The following AGTPBP1 variants were observed in gnomAD, a reference collection of about 807,000 sequenced individuals.
AGTPBP1 encodes cytosolic carboxypeptidase 1.
A neutral mutation model predicts 143.9 loss-of-function variants in AGTPBP1; 70 were observed. That is an observed-to-expected ratio of 0.49 (90% CI 0.40 to 0.59). AGTPBP1 has a LOEUF of 0.59. Among genes scored for constraint, AGTPBP1 ranks in the 20% least tolerant of loss-of-function variants. AGTPBP1 has a pLI of 0.00. For synonymous variants in AGTPBP1, 463 were observed against 500.2 expected (o/e 0.93, Z 0.99); for missense variants, 1,229 against 1,464.5 (o/e 0.84, Z 2.62).
At chr9:85,739,478 G>T (rs1476337217) in intron 1 of AGTPBP1, among the ~76,000 whole-genome samples, 1 of 152,180 alleles carries the variant, frequency 6.6e-6, no homozygotes, top group African/African-American at 2.4e-5. Context: ...GGAGGCCGAG[G>T]TGGGCAGACC....
At chr9:85,632,615 T>C in intron 14 of AGTPBP1, 47 bp downstream of exon 14, 1 of 1,476,674 alleles carries the variant, frequency 6.8e-7, no homozygotes, top group South Asian at 1.4e-5. Context: ...CTGCCTCATA[T>C]CTTGACAATA....
chr9:85,577,869 A>T (rs923760526), intron 24 of AGTPBP1, among the ~76,000 whole-genome samples: 2 of 152,200 alleles, frequency 1.3e-5, no homozygotes, highest in African/African-American at 4.8e-5. Flanking sequence ...AAGCTCTCCT[A>T]AAATATTTCA....
At chr9:85,775,649 C>T in the AGTPBP1 span, among the ~76,000 whole-genome samples, 1 of 150,380 alleles carries the variant, frequency 6.6e-6, no homozygotes, top group East Asian at 1.9e-4. Context: ...TCACAAGGTC[C>T]CACAATAGGC....
intron 8 of AGTPBP1, among the ~76,000 whole-genome samples, chr9:85,662,374 GA>G (rs2133988354): frequency 6.6e-6 from 1 of 152,260 alleles, no homozygotes; most frequent in South Asian, 2.1e-4. Flanking sequence ...AAGTGTTGGT[GA>G]GTTAAAAATA....
chr9:85,613,988 T>C (rs1043045198), intron 17 of AGTPBP1, among the ~76,000 whole-genome samples: 1 of 151,878 alleles, frequency 6.6e-6, no homozygotes, highest in Non-Finnish European at 1.5e-5. Flanking sequence ...TTATAGACTA[T>C]ATGGTCACAT....
intron 8 of AGTPBP1, among the ~76,000 whole-genome samples, chr9:85,669,018 C>T (rs866547943): frequency 7.7e-6 from 1 of 129,134 alleles, no homozygotes; most frequent in Non-Finnish European, 1.6e-5. Flanking sequence ...TATACATACA[C>T]ACACACACAC....
At chr9:85,719,607 CAG>C (rs571168874) in intron 1 of AGTPBP1, among the ~76,000 whole-genome samples, 2 of 152,166 alleles carry the variant, frequency 1.3e-5, no homozygotes, top group African/African-American at 4.8e-5. Flanking sequence ...CATCTGCAAA[CAG>C]GGGCAATTTG....
chr9:85,791,616 T>C, the AGTPBP1 span: 2 of 152,218 alleles, frequency 1.3e-5, no homozygotes, highest in East Asian at 3.9e-4. Flanking sequence ...TCAAAAAATA[T>C]TTTGAGAGAA....
intron 2 of AGTPBP1, among the ~76,000 whole-genome samples, chr9:85,704,616 T>C (rs538656524): frequency 6.6e-6 from 1 of 152,266 alleles, no homozygotes; most frequent in Admixed American, 6.5e-5. Flanking sequence ...TCACACTTTT[T>C]TGAAGTAACT....
At chr9:85,601,647 A>G (rs7849925) in intron 17 of AGTPBP1, among the ~76,000 whole-genome samples, 9,395 of 152,214 alleles carry the variant, frequency 0.062, 977 homozygotes, top group African/African-American at 0.21. Context: ...TGCTCATGCT[A>G]TGCCTGCTGC....
At chr9:85,628,259 C>T (rs1044137738) in intron 14 of AGTPBP1, among the ~76,000 whole-genome samples, 1 of 152,116 alleles carries the variant, frequency 6.6e-6, no homozygotes, top group South Asian at 2.1e-4. Context: ...ACAATGCAAT[C>T]GTTCTCAGGG....
chr9:85,597,417 C>T (rs1439970496), intron 17 of AGTPBP1, among the ~76,000 whole-genome samples: 1 of 151,744 alleles, frequency 6.6e-6, no homozygotes, highest in Non-Finnish European at 1.5e-5. Flanking sequence ...TAAATGAAAC[C>T]TCAAAAAAAT....
chr9:85,794,619 C>T, the AGTPBP1 span, among the ~76,000 whole-genome samples: 1 of 152,054 alleles, frequency 6.6e-6, no homozygotes, highest in Non-Finnish European at 1.5e-5. Context: ...AACATTTGTT[C>T]GTTATTTGGG....
chr9:85,622,553 C>G (rs1831002470), intron 14 of AGTPBP1, among the ~76,000 whole-genome samples: 1 of 151,868 alleles, frequency 6.6e-6, no homozygotes, highest in Admixed American at 6.6e-5. Context: ...AATGCTAAAA[C>G]TAATCTTAAT....
intron 25 of AGTPBP1, among the ~76,000 whole-genome samples, chr9:85,570,363 G>A (rs1310638265): frequency 6.6e-6 from 1 of 152,152 alleles, no homozygotes; most frequent in African/African-American, 2.4e-5. Context: ...CAAGGATAAG[G>A]AGGCTACTGT....
Position 85,589,620 on chromosome 9 carries a change from A to T in AGTPBP1, c.2630T>A (p.Val877Glu). 1 of 1,613,650 alleles carries T rather than the reference A, an allele frequency of 6.2e-7. No individual in the cohort carries two copies. Among genetic ancestry groups the T allele is most frequent in the Non-Finnish European group, 8.5e-7 (1 of 1,179,700 alleles). Residue 877 changes from valine to glutamate, a missense_variant, in exon 20 of 26, where the codon GTG becomes GAG. Val to Glu is a moderately radical substitution (Grantham distance 121, BLOSUM62 -2). Coordinates refer to ENST00000357081, the MANE Select transcript of AGTPBP1 (RefSeq NM_001330701.2). ...GTTTCCAGACAGGGTTTCACATAAC[A>T]CATCTTTCCGAAAATAGATTTGCTG... ...NPQQIYFRKD[V>E]LCETLSGNSC...
intron 17 of AGTPBP1, among the ~76,000 whole-genome samples, chr9:85,603,925 G>T (rs1426313767): frequency 1.3e-5 from 2 of 152,196 alleles, no homozygotes; most frequent in Admixed American, 6.5e-5. Flanking sequence ...GGAAGAGTGG[G>T]AAGAACTTTG....
chr9:85,802,805 C>A, the AGTPBP1 span, among the ~76,000 whole-genome samples: 2 of 152,198 alleles, frequency 1.3e-5, no homozygotes, highest in Non-Finnish European at 2.9e-5. Context: ...ATAATTGAAT[C>A]AGAGTCACCG....
At chr9:85,560,033 T>C (rs115122855) in intron 25 of AGTPBP1, among the ~76,000 whole-genome samples, 2,719 of 152,242 alleles carry the variant, frequency 0.018, 92 homozygotes, top group African/African-American at 0.062. Flanking sequence ...ACACAGACAC[T>C]GGCTGGGGTC....
Sources: gnomAD v4.1 joint callset for allele counts (sites outside exome capture counted in the v4.1 genomes callset) on GRCh38, gnomAD v4.1.1 for gene constraint, MANE v1.5 for transcripts, NCBI Gene and HGNC (gene_info 2026-07-23, HGNC 2026-07-21) for gene names.